The following HMCN1 variants were observed in gnomAD, a reference collection of about 807,000 sequenced individuals.
HMCN1 encodes the protein hemicentin-1.
HMCN1 carries 321 observed loss-of-function variants against 625.9 expected under a neutral mutation model. That is an observed-to-expected ratio of 0.51 (90% confidence interval 0.47 to 0.56). The LOEUF (loss-of-function observed/expected upper bound fraction) is 0.56. Ranked by LOEUF, HMCN1 falls within the 20% of genes least tolerant of loss-of-function variation. HMCN1 has a pLI of 0.00. For synonymous variants in HMCN1, 2,425 were observed against 2,417.6 expected (o/e 1.00, Z -0.09); for missense variants, 6,588 against 6,887.3 (o/e 0.96, Z 1.54).
chr1:186,059,375 T>C lies in HMCN1; in HGVS notation c.7312+1974T>C, dbSNP rs376755283. ...AGGAAGTAGGGACTCTTATTAAATA[T>C]AGTAAGTGCAGCAGAGCTCCTGGAA... On this transcript the variant is annotated intron_variant, in intron 46 of 106. Coordinates refer to ENST00000271588, the MANE Select transcript of HMCN1 (RefSeq NM_031935.3). 4.6e-5 allele frequency among the ~76,000 whole-genome samples: 7 copies of C among 152,066 alleles called. No individual in the cohort carries two copies. The South Asian group carries it at 1.0e-3, about 22-fold the overall frequency.
At chr1:186,080,812 C>A (rs190982387) in intron 55 of HMCN1, among the ~76,000 whole-genome samples, 11 of 152,298 alleles carry the variant, frequency 7.2e-5, no homozygotes, top group Admixed American at 6.5e-4. Flanking sequence ...TGTAATTTTT[C>A]TGTCCCCTCT....
intron 64 of HMCN1, among the ~76,000 whole-genome samples, chr1:186,091,673 T>C (rs1659851110): frequency 6.6e-6 from 1 of 152,056 alleles, no homozygotes; most frequent in Non-Finnish European, 1.5e-5. Context: ...ATCTGGAATT[T>C]GATATTGTAC....
At chr1:186,084,267 A>C (rs1225887200) in intron 57 of HMCN1, among the ~76,000 whole-genome samples, 1 of 152,128 alleles carries the variant, frequency 6.6e-6, no homozygotes, top group African/African-American at 2.4e-5. Context: ...TAGTTGCTAA[A>C]TAAATGTTTT....
intron 25 of HMCN1, 133 bp downstream of exon 25, chr1:185,997,657 A>T (rs958599827): frequency 1.4e-6 from 1 of 702,392 alleles, no homozygotes; most frequent in Non-Finnish European, 2.6e-6. Context: ...AATAGAAACT[A>T]ACCCATTTTT....
In HMCN1 at chr1:185,769,235, C is replaced by T. The variant is rs567777739; in HGVS notation, c.268+34188C>T. On this transcript the variant is annotated intron_variant, in intron 1 of 106. Coordinates refer to ENST00000271588, the MANE Select transcript of HMCN1 (RefSeq NM_031935.3). ...GGCTGAGGTGAGAGGATCACTGGAG[C>T]CCAGGAGCTTAAGACCAGCCTGAGT... 2.0e-5 allele frequency among the ~76,000 whole-genome samples: 3 copies of T among 152,056 alleles called. No homozygotes were observed. In the South Asian group the frequency reaches 6.2e-4, roughly 32 times the overall value.
chr1:185,871,997 A>C (rs1663647900), intron 4 of HMCN1, among the ~76,000 whole-genome samples: 1 of 152,252 alleles, frequency 6.6e-6, no homozygotes, highest in South Asian at 2.1e-4. Context: ...GCTGACCTTG[A>C]AAATAAGTAG....
At chr1:185,947,449 TA>T (rs1481612640) in intron 11 of HMCN1, among the ~76,000 whole-genome samples, 1 of 152,210 alleles carries the variant, frequency 6.6e-6, no homozygotes, top group Admixed American at 6.5e-5. Context: ...AAGGCAGAAA[TA>T]ACAAGAGAAG....
At chr1:186,082,796 A>G (rs1659244738) in intron 56 of HMCN1, 69 bp from the exon 57 acceptor site, 1 of 811,260 alleles carries the variant, frequency 1.2e-6, no homozygotes, top group African/African-American at 1.8e-5. Flanking sequence ...ATTTATTCTA[A>G]AAAATAGACA....
At chr1:185,896,397 G>T (rs1179278469) in intron 4 of HMCN1, among the ~76,000 whole-genome samples, 1 of 138,046 alleles carries the variant, frequency 7.2e-6, no homozygotes, top group Non-Finnish European at 1.5e-5. Context: ...AAACCTGTGT[G>T]TAAGAACACA....
Position 186,078,225 on chromosome 1 carries a change from GTT to G in HMCN1, c.8599+9_8599+10del, listed in dbSNP as rs1184178933. On this transcript the variant is annotated splice_donor_region_variant and intron_variant, in intron 55 of 106. Coordinates refer to ENST00000271588, the MANE Select transcript of HMCN1 (RefSeq NM_031935.3). ...AATATGATGTCCGTGTACTCGGTGA[GTT>G]TTTCTTTTGTTTATTGTTCATTCTT... is the stretch of plus-strand genomic sequence containing the variant. The G allele has an allele frequency of 1.3e-6, 2 of 1,590,574 alleles. No individual in the cohort carries two copies. Among genetic ancestry groups the G allele is most frequent in the East Asian group, 4.5e-5 (2 of 44,628 alleles).
At chr1:186,151,825 C>A in intron 95 of HMCN1, 82 bp downstream of exon 95, 1 of 1,401,536 alleles carries the variant, frequency 7.1e-7, no homozygotes, top group Non-Finnish European at 1.0e-6. Flanking sequence ...CGTGTTCCCA[C>A]ATAGAATAAT....
In HMCN1 at chr1:185,984,151, C is replaced by CT. The variant is rs576028622; in HGVS notation, c.2791-9dup. On this transcript the variant is annotated splice_polypyrimidine_tract_variant and intron_variant, in intron 18 of 106. Transcript: ENST00000271588. ...TCCTTTCTTTTTAAATAAAAATTAC[C>CT]TTTTTTTTTCCTTTAAGTTGCTCCA... is the stretch of plus-strand genomic sequence containing the variant. The CT allele has an allele frequency of 1.4e-3, 2,225 of 1,581,708 alleles. 2 individuals are homozygous for CT. Among genetic ancestry groups the CT allele is most frequent in the Non-Finnish European group, 1.8e-3 (2,067 of 1,154,538 alleles).
chr1:186,166,602 T>C (rs1651894687), intron 99 of HMCN1, among the ~76,000 whole-genome samples: 1 of 152,202 alleles, frequency 6.6e-6, no homozygotes, highest in African/African-American at 2.4e-5. Context: ...AATCTGTCAG[T>C]CTATGAAGAT....
intron 13 of HMCN1, 28 bp from the exon 14 acceptor site, chr1:185,965,774 T>G (rs750589290): frequency 1.3e-5 from 16 of 1,223,310 alleles, no homozygotes; most frequent in Non-Finnish European, 1.8e-5. Context: ...TGCTAAATGT[T>G]GACTATTTGC....
At chr1:186,032,162 C>A (rs2102201658) in intron 36 of HMCN1, among the ~76,000 whole-genome samples, 1 of 152,100 alleles carries the variant, frequency 6.6e-6, no homozygotes, top group Middle Eastern at 3.4e-3. Flanking sequence ...GCAAACTGTG[C>A]ATCTGGCAAA....
At chr1:185,991,608 A>G (rs1426833168) in intron 22 of HMCN1, among the ~76,000 whole-genome samples, 1 of 152,164 alleles carries the variant, frequency 6.6e-6, no homozygotes, top group Non-Finnish European at 1.5e-5. Context: ...CTACTATTAT[A>G]CAAAGGGATT....
At chr1:185,847,814 A>T (rs1469475303) in intron 2 of HMCN1, among the ~76,000 whole-genome samples, 1 of 151,924 alleles carries the variant, frequency 6.6e-6, no homozygotes, top group Non-Finnish European at 1.5e-5. Context: ...TCAGCCAGGC[A>T]TGGTGGTGCA....
At chr1:186,164,761 A>C (rs910190245) in intron 97 of HMCN1, among the ~76,000 whole-genome samples, 1 of 152,208 alleles carries the variant, frequency 6.6e-6, no homozygotes, top group African/African-American at 2.4e-5. Flanking sequence ...TTTTAGAGTA[A>C]AACCGGATAG....
intron 46 of HMCN1, among the ~76,000 whole-genome samples, chr1:186,061,341 A>G (rs1657684456): frequency 6.6e-6 from 1 of 152,126 alleles, no homozygotes; most frequent in Admixed American, 6.6e-5. Context: ...TCAAACGCTT[A>G]TGAAACCATC....
Sources: gnomAD v4.1 joint callset for allele counts (sites outside exome capture counted in the v4.1 genomes callset) on GRCh38, gnomAD v4.1.1 for gene constraint, MANE v1.5 for transcripts, NCBI Gene and HGNC (gene_info 2026-07-23, HGNC 2026-07-21) for gene names.